APBB2: variants seen among roughly 807,000 people sequenced by gnomAD.
The protein encoded by APBB2 is Fe65-like 1.
Under a neutral mutation model 82.5 loss-of-function variants are expected in APBB2, and 38 were observed. That is an observed-to-expected ratio of 0.46 (90% CI 0.36 to 0.60). The LOEUF (loss-of-function observed/expected upper bound fraction) is 0.60. Ranked by LOEUF, APBB2 falls within the 20% of genes least tolerant of loss-of-function variation. The probability of loss-of-function intolerance (pLI) is 0.00; values close to 1 mark genes in which losing one functional copy is unlikely to be tolerated. For synonymous variants in APBB2, 341 were observed against 368.2 expected, an observed-to-expected ratio of 0.93 and a Z score of 0.85; for missense variants, 772 against 972.3, an observed-to-expected ratio of 0.79 and a Z score of 2.74.
chr4:41,059,421 T>A (rs1457051896), intron 4 of APBB2, among the ~76,000 whole-genome samples: 1 of 152,228 alleles, frequency 6.6e-6, no homozygotes, highest in Non-Finnish European at 1.5e-5. Flanking sequence ...AATCTGGCCA[T>A]AAACTGGCCC....
chr4:40,931,050 ATAT>A (rs1419331596), intron 10 of APBB2, among the ~76,000 whole-genome samples: 2 of 151,710 alleles, frequency 1.3e-5, no homozygotes, highest in Non-Finnish European at 2.9e-5. Flanking sequence ...CCCAGCCCAA[ATAT>A]TATTTTTAAA....
chr4:41,158,544 A>T (rs1764037695), intron 1 of APBB2, among the ~76,000 whole-genome samples: 1 of 152,170 alleles, frequency 6.6e-6, no homozygotes, highest in African/African-American at 2.4e-5. Flanking sequence ...TTGACAAAGC[A>T]ATGTCATTCT....
At chr4:40,880,737 G>A (rs773244766) in intron 12 of APBB2, 18 of 985,254 alleles carry the variant, frequency 1.8e-5, no homozygotes, top group African/African-American at 8.7e-5. Flanking sequence ...GGGGAAGTGC[G>A]AGATGGAAGC....
At chr4:40,843,158 C>T (rs1199804151) in intron 12 of APBB2, among the ~76,000 whole-genome samples, 1 of 152,178 alleles carries the variant, frequency 6.6e-6, no homozygotes, top group Admixed American at 6.5e-5. Context: ...GCACCGTACA[C>T]AGAGCAACTA....
At chr4:40,915,823 T>C (rs1779697260) in intron 10 of APBB2, among the ~76,000 whole-genome samples, 1 of 152,120 alleles carries the variant, frequency 6.6e-6, no homozygotes, top group African/African-American at 2.4e-5. Flanking sequence ...ACAAGGGCTC[T>C]GGGACCCCGG....
intron 4 of APBB2, among the ~76,000 whole-genome samples, chr4:41,065,071 G>C (rs1481457230): frequency 1.3e-5 from 2 of 152,080 alleles, no homozygotes; most frequent in African/African-American, 4.8e-5. Context: ...GGGATCTCTT[G>C]AGCCTAGGAG....
intron 1 of APBB2, among the ~76,000 whole-genome samples, chr4:41,184,650 G>A (rs142869585): frequency 9.8e-5 from 15 of 152,320 alleles, no homozygotes; most frequent in African/African-American, 3.1e-4. Flanking sequence ...GGCAGACTGG[G>A]AGATGCATTG....
chr4:41,092,185 A>G lies in APBB2; in HGVS notation c.-149+8454T>C, dbSNP rs371111289. Among the ~76,000 whole-genome samples the G allele has an allele frequency of 5.9e-5, 9 of 152,368 alleles. No individual in the cohort carries two copies. The East Asian group carries it at 1.3e-3, about 23-fold the overall frequency. ...TTGAACATCAAAGGAGGAGTTTAAC[A>G]TCTGCTTTTAAATGCAGGAAAACAA... On this transcript the variant is annotated intron_variant, in intron 3 of 17. Transcript: ENST00000508593.
rs1749869550 is a variant in APBB2 at position 40,826,214 on chromosome 4, G to A, written c.1733-244C>T. The A allele has an allele frequency of 6.0e-6, 3 of 497,328 alleles. No individual in the cohort carries two copies. In the South Asian group the frequency reaches 6.4e-5, roughly 11 times the overall value. The allele number at this position is 497,328 out of a possible 1,614,324, so 30.8% of individuals were successfully genotyped here. On this transcript the variant is annotated intron_variant, in intron 14 of 17. Coordinates refer to ENST00000508593, the MANE Select transcript of APBB2 (RefSeq NM_004307.2). The surrounding 1 kb of genome is among the most constrained non-coding windows in gnomAD (Gnocchi z 4.5). The stretch of plus-strand genomic sequence containing the variant: ...TGAAAGCAGGAAGTGGCATCTATGT[G>A]TTAAAGCTGCTACTGTCTCTTTGAT...
At chr4:40,830,364 A>T in intron 13 of APBB2, 99 bp downstream of exon 13, 1 of 776,920 alleles carries the variant, frequency 1.3e-6, no homozygotes, top group Non-Finnish European at 2.3e-6. Context: ...CCCTGAGCTC[A>T]ACTGCAGGTT....
At position 40,954,980 on chromosome 4, in the gene APBB2, T is replaced by TA. The variant is rs548799267; in HGVS notation, c.836-9908dup. On this transcript the variant is annotated intron_variant, in intron 6 of 17. Coordinates refer to ENST00000508593, the MANE Select transcript of APBB2 (RefSeq NM_004307.2). ...TCATTCTTTTCCATCAAACTCTATC[T>TA]AACTACTGGGCTCCACAGAAGAAGA... Among the ~76,000 whole-genome samples, 177 of 13,816 alleles carry TA rather than the reference T, an allele frequency of 0.013. 3 individuals carry two copies. The South Asian group carries it at 0.43, about 33-fold the overall frequency. The allele number at this position is 13,816 out of a possible 152,430, so 9.1% of individuals were successfully genotyped here. A position where few individuals can be genotyped will look rare whatever the true frequency, so the allele number is the denominator to read the frequency against.
intron 1 of APBB2, among the ~76,000 whole-genome samples, chr4:41,147,484 T>C (rs945280762): frequency 8.7e-5 from 12 of 138,702 alleles, no homozygotes; most frequent in South Asian, 2.3e-4. Context: ...TGGCCAGCTT[T>C]TTTTTTTTTT....
At chr4:40,915,409 T>G (rs889494553) in intron 10 of APBB2, among the ~76,000 whole-genome samples, 4 of 152,220 alleles carry the variant, frequency 2.6e-5, no homozygotes, top group Non-Finnish European at 5.9e-5. Flanking sequence ...AGGCAGGGAC[T>G]TGGTCTGCAG....
At chr4:40,952,996 T>C (rs1790619585) in intron 6 of APBB2, among the ~76,000 whole-genome samples, 1 of 152,118 alleles carries the variant, frequency 6.6e-6, no homozygotes, top group African/African-American at 2.4e-5. Flanking sequence ...TATGTCCTCA[T>C]ATAAAAATGG....
intron 1 of APBB2, among the ~76,000 whole-genome samples, chr4:41,204,387 C>T (rs1369320760): frequency 1.3e-5 from 2 of 152,104 alleles, no homozygotes; most frequent in South Asian, 2.1e-4. Flanking sequence ...GAGAAGCAAC[C>T]GAGGTGGGAG....
At position 40,812,099 on chromosome 4, in the gene APBB2, A is replaced by C. The variant is rs905639108; in HGVS notation, c.*3993T>G. On this transcript the variant is annotated 3_prime_UTR_variant, in exon 18 of 18. Coordinates refer to ENST00000508593, the MANE Select transcript of APBB2 (RefSeq NM_004307.2). ...GCCTTCCTGATCACCAAATAAGTAC[A>C]GGGTGATTACTCAAAATTTGAAGTT... The C allele has an allele frequency of 2.6e-5, 4 of 152,224 alleles. No homozygotes were observed. Among genetic ancestry groups the C allele is most frequent in the African/African-American group, 9.6e-5 (4 of 41,456 alleles). The allele number at this position is 152,224 out of a possible 1,614,324, so 9.4% of individuals were successfully genotyped here. A position where few individuals can be genotyped will look rare whatever the true frequency, so the allele number is the denominator to read the frequency against.
intron 2 of APBB2, chr4:41,137,897 T>C (rs1256858391): frequency 6.6e-6 from 1 of 151,660 alleles, no homozygotes; most frequent in Non-Finnish European, 1.5e-5. Flanking sequence ...ATGTAAAGGG[T>C]AAAGCAACAA....
At chr4:40,883,456 G>A (rs567029833) in intron 12 of APBB2, among the ~76,000 whole-genome samples, 7 of 152,152 alleles carry the variant, frequency 4.6e-5, no homozygotes, top group African/African-American at 9.6e-5. Context: ...GCATGGTGGC[G>A]CATGCCTGTA....
chr4:40,988,807 C>T lies in APBB2; in HGVS notation c.835+24776G>A, dbSNP rs185302494. Among the ~76,000 whole-genome samples, 9 of 150,928 alleles carry T rather than the reference C, an allele frequency of 6.0e-5. No individual in the cohort carries two copies. In the East Asian group the frequency reaches 1.8e-3, roughly 30 times the overall value. ...GACAGAGTCTCACTCACTCTGTCAC[C>T]CAGGCTGGAGTGCAGTGGCATGATC... On this transcript the variant is annotated intron_variant, in intron 6 of 17. Transcript: ENST00000508593.
Sources: allele counts gnomAD v4.1 joint callset (sites outside exome capture counted in the v4.1 genomes callset), GRCh38; gene constraint gnomAD v4.1.1; non-coding constraint Gnocchi (gnomAD v3.1); transcripts MANE v1.5; gene names NCBI Gene and HGNC (gene_info 2026-07-23, HGNC 2026-07-21).